LPIN2: variants seen among roughly 807,000 people sequenced by gnomAD.
The protein encoded by LPIN2 is phosphatidate phosphatase LPIN2.
Under a neutral mutation model 111.4 loss-of-function variants are expected in LPIN2, and 55 were observed. That is an observed-to-expected ratio of 0.49 (90% CI 0.40 to 0.62). The LOEUF (loss-of-function observed/expected upper bound fraction) is 0.62. Ranked by LOEUF, LPIN2 falls within the 20% of genes least tolerant of loss-of-function variation. The pLI, the probability that LPIN2 is intolerant of heterozygous loss-of-function variation, is 0.00. For missense variants in LPIN2, 992 were observed against 1,112.1 expected (o/e 0.89, Z 1.54); for synonymous variants, 425 against 414.0 (o/e 1.03, Z -0.32).
At chr18:3,010,147 G>A (rs777232551) in intron 1 of LPIN2, among the ~76,000 whole-genome samples, 4 of 152,160 alleles carry the variant, frequency 2.6e-5, no homozygotes, top group Admixed American at 6.5e-5. Flanking sequence ...ACTCCCTCAC[G>A]CTTGTCTTGA....
intron 3 of LPIN2, among the ~76,000 whole-genome samples, chr18:2,952,165 G>A (rs2077546599): frequency 1.3e-5 from 2 of 152,190 alleles, no homozygotes; most frequent in Admixed American, 6.5e-5. Context: ...GGTGGCTCAC[G>A]CCTGCAATCC....
At chr18:2,990,828 T>C in intron 1 of LPIN2, 1 of 412,054 alleles carries the variant, frequency 2.4e-6, no homozygotes, top group South Asian at 1.9e-5. Flanking sequence ...TACTTCCTAC[T>C]TCAATCTCTG....
intron 1 of LPIN2, among the ~76,000 whole-genome samples, chr18:3,000,261 G>T (rs903933017): frequency 6.6e-6 from 1 of 152,130 alleles, no homozygotes; most frequent in Admixed American, 6.5e-5. Flanking sequence ...TATCTGACTT[G>T]TAGACTTTTT....
intron 18 of LPIN2, 120 bp from the exon 19 acceptor site, chr18:2,921,001 GCA>G: frequency 1.3e-6 from 1 of 743,258 alleles, no homozygotes; most frequent in South Asian, 1.4e-5. Flanking sequence ...TGCGGAGGCG[GCA>G]CAGTGCAGTT....
chr18:2,951,160 T>C lies in LPIN2; in HGVS notation c.485A>G (p.Tyr162Cys), dbSNP rs372651452. The C allele has an allele frequency of 5.0e-6, 8 of 1,614,124 alleles. No individual in the cohort carries two copies. The highest frequency in any genetic ancestry group is 6.8e-6 in the Non-Finnish European group (8 of 1,180,048). ...CTCTTCCTTCTTACTGTCCTGTTTG[T>C]ATTTCTTTCTCCTTCGTTTTTTCTT... Reference protein sequence around the residue: ...VKKKKRRRKKYKQDSKKEEQA... With the variant: ...VKKKKRRRKKCKQDSKKEEQA... Residue 162 changes from tyrosine to cysteine, a missense_variant, in exon 4 of 20, where the codon TAC (tyrosine) becomes TGC (cysteine). Tyr to Cys is a radical substitution (Grantham distance 194). This residue lies in a region of LPIN2 where 709 missense variants were observed against 753.2 expected (regional missense o/e 0.94). Transcript: ENST00000677752.
chr18:3,003,688 G>A (rs1022959710), intron 1 of LPIN2, among the ~76,000 whole-genome samples: 5 of 152,134 alleles, frequency 3.3e-5, no homozygotes, highest in Non-Finnish European at 1.5e-5. Context: ...CATAAGCTGA[G>A]AATGTACGTC....
intron 9 of LPIN2, among the ~76,000 whole-genome samples, chr18:2,930,363 A>T (rs1025168069): frequency 6.6e-6 from 1 of 152,376 alleles, no homozygotes; most frequent in South Asian, 2.1e-4. Flanking sequence ...ACCATTGGCC[A>T]TAACACACTT....
At chr18:2,932,184 C>T (rs1026635637) in intron 8 of LPIN2, among the ~76,000 whole-genome samples, 4 of 152,182 alleles carry the variant, frequency 2.6e-5, no homozygotes, top group Non-Finnish European at 5.9e-5. Flanking sequence ...AATGGCACAG[C>T]ACCTTAAGTC....
At chr18:2,946,149 C>T in intron 4 of LPIN2, 2 of 1,608,288 alleles carry the variant, frequency 1.2e-6, no homozygotes, top group Non-Finnish European at 1.7e-6. Flanking sequence ...TTAAGTTTAT[C>T]AAGTGCTTGT....
chr18:3,010,377 T>C lies in LPIN2; in HGVS notation c.-10+2710A>G, dbSNP rs138429961. Among the ~76,000 whole-genome samples, 1,032 of 152,304 alleles carry C rather than the reference T, an allele frequency of 6.8e-3. 9 individuals are homozygous for C. Among genetic ancestry groups the C allele is most frequent in the African/African-American group, 0.024 (991 of 41,560 alleles). On this transcript the variant is annotated intron_variant, in intron 1 of 19. Transcript: ENST00000677752. ...TCAAGTTTTAAAGACACATTATACA[T>C]AGGATTCTGCCAACTGGAGGCTATC...
At chr18:2,920,957 A>G in intron 18 of LPIN2, 76 bp from the exon 19 acceptor site, 1 of 965,956 alleles carries the variant, frequency 1.0e-6, no homozygotes, top group Non-Finnish European at 1.7e-6. Flanking sequence ...CTTGTGAGCC[A>G]GAAGCACTGC....
chr18:2,950,036 T>C (rs1460214196), intron 4 of LPIN2, among the ~76,000 whole-genome samples: 3 of 151,956 alleles, frequency 2.0e-5, no homozygotes, highest in Admixed American at 2.0e-4. Flanking sequence ...GGGAGTTCAA[T>C]GTTACAGTGA....
intron 1 of LPIN2, among the ~76,000 whole-genome samples, chr18:3,007,800 G>T (rs972038038): frequency 6.6e-6 from 1 of 152,052 alleles, no homozygotes; most frequent in Admixed American, 6.6e-5. Flanking sequence ...CATACCGGAG[G>T]GCAATTCAAA....
chr18:2,978,859 G>C (rs2078062221), intron 1 of LPIN2, among the ~76,000 whole-genome samples: 1 of 152,120 alleles, frequency 6.6e-6, no homozygotes, highest in Non-Finnish European at 1.5e-5. Flanking sequence ...AGGTGCTTGG[G>C]GAATCCTCAT....
chr18:2,958,599 A>T (rs1016311293), intron 2 of LPIN2, among the ~76,000 whole-genome samples: 2 of 152,162 alleles, frequency 1.3e-5, no homozygotes, highest in Non-Finnish European at 2.9e-5. Flanking sequence ...GTTTTGGTAA[A>T]TCAAATGGCC....
At chr18:2,928,371 A>C (rs956406481) in intron 11 of LPIN2, among the ~76,000 whole-genome samples, 1 of 152,226 alleles carries the variant, frequency 6.6e-6, no homozygotes, top group Non-Finnish European at 1.5e-5. Context: ...TTTATGTCTA[A>C]TAAAAATGAA....
At chr18:2,982,854 A>C (rs1383442515) in intron 1 of LPIN2, 3 of 524,710 alleles carry the variant, frequency 5.7e-6, no homozygotes, top group Non-Finnish European at 6.8e-6. Flanking sequence ...AACTGAGTAC[A>C]AACTGCTTGC....
intron 1 of LPIN2, among the ~76,000 whole-genome samples, chr18:2,966,344 C>T (rs1287469326): frequency 6.6e-6 from 1 of 152,194 alleles, no homozygotes; most frequent in African/African-American, 2.4e-5. Context: ...CTACTACCAA[C>T]GAACACACAA....
At chr18:2,937,317 G>C (rs1449621399) in intron 7 of LPIN2, among the ~76,000 whole-genome samples, 1 of 152,036 alleles carries the variant, frequency 6.6e-6, no homozygotes, top group Admixed American at 6.5e-5. Flanking sequence ...GCCGAGGTGG[G>C]CAGATCACCT....
Sources: allele counts gnomAD v4.1 joint callset (sites outside exome capture counted in the v4.1 genomes callset), GRCh38; gene constraint gnomAD v4.1.1; regional missense constraint gnomAD v4.1.1; transcripts MANE v1.5; gene names NCBI Gene and HGNC (gene_info 2026-07-23, HGNC 2026-07-21).